Variants in RPS6KC1 observed in about 807,000 individuals in gnomAD.
The protein encoded by RPS6KC1 is ribosomal protein S6 kinase C1, also known as inactive ribosomal protein S6 kinase delta-1.
In RPS6KC1, 54 loss-of-function variants were observed where a neutral mutation model predicts 103.8. The observed-to-expected ratio is 0.52, with a 90% CI of 0.42 to 0.65. RPS6KC1 has a LOEUF of 0.65. Ranked by LOEUF, RPS6KC1 falls within the 30% of genes least tolerant of loss-of-function variation. The pLI, the probability that RPS6KC1 is intolerant of heterozygous loss-of-function variation, is 0.00. For synonymous variants in RPS6KC1, 439 were observed against 438.7 expected (o/e 1.00, Z -0.01); for missense variants, 1,151 against 1,253.8 (o/e 0.92, Z 1.24).
chr1:213,237,609 T>C (rs2094252254), intron 10 of RPS6KC1, among the ~76,000 whole-genome samples: 1 of 152,076 alleles, frequency 6.6e-6, no homozygotes, highest in African/African-American at 2.4e-5. Flanking sequence ...TTGATTACTG[T>C]GATAGCAGTG....
At chr1:213,846,823 T>C in the RPS6KC1 span, among the ~76,000 whole-genome samples, 60 of 152,310 alleles carry the variant, frequency 3.9e-4, no homozygotes, top group African/African-American at 1.0e-3. Flanking sequence ...GCTTAAATTA[T>C]GAAATCCCCA....
chr1:213,595,157 T>C, the RPS6KC1 span, among the ~76,000 whole-genome samples: 1 of 152,200 alleles, frequency 6.6e-6, no homozygotes, highest in Non-Finnish European at 1.5e-5. Flanking sequence ...ACTCTTCCTC[T>C]TCTTTGTGTT....
At chr1:213,193,323 A>G (rs537705145) in intron 8 of RPS6KC1, among the ~76,000 whole-genome samples, 5 of 152,296 alleles carry the variant, frequency 3.3e-5, no homozygotes, top group East Asian at 1.9e-4. Flanking sequence ...CAGTTGCACT[A>G]TCTTGGCTCA....
At chr1:213,404,009 G>A in the RPS6KC1 span, among the ~76,000 whole-genome samples, 1 of 152,142 alleles carries the variant, frequency 6.6e-6, no homozygotes, top group Non-Finnish European at 1.5e-5. Flanking sequence ...CTAGGAGAAG[G>A]CAGATGAGGG....
chr1:213,359,480 A>T, the RPS6KC1 span, among the ~76,000 whole-genome samples: 1 of 152,182 alleles, frequency 6.6e-6, no homozygotes, highest in Non-Finnish European at 1.5e-5. Flanking sequence ...TCTTGAATAT[A>T]GCACACTGAT....
intron 6 of RPS6KC1, among the ~76,000 whole-genome samples, chr1:213,167,489 C>CAAAA (rs58321001): frequency 2.4e-5 from 3 of 126,130 alleles, no homozygotes; most frequent in Non-Finnish European, 4.7e-5. Context: ...CACACACACA[C>CAAAA]AACAGCTGTT....
the RPS6KC1 span, among the ~76,000 whole-genome samples, chr1:213,321,511 A>G: frequency 4.6e-5 from 7 of 152,212 alleles, no homozygotes; most frequent in Non-Finnish European, 1.0e-4. Flanking sequence ...CATGTGACCT[A>G]GGAGCAATAT....
At chr1:213,753,034 C>A in the RPS6KC1 span, among the ~76,000 whole-genome samples, 2 of 152,138 alleles carry the variant, frequency 1.3e-5, no homozygotes, top group Admixed American at 6.5e-5. Flanking sequence ...TGCAAGGGGA[C>A]ATTTCTTTGT....
chr1:213,415,206 G>A, the RPS6KC1 span, among the ~76,000 whole-genome samples: 1 of 152,202 alleles, frequency 6.6e-6, no homozygotes, highest in Non-Finnish European at 1.5e-5. Context: ...TCCTAAGGCT[G>A]ATACTGTTCC....
At chr1:213,855,604 C>T in the RPS6KC1 span, among the ~76,000 whole-genome samples, 1 of 152,216 alleles carries the variant, frequency 6.6e-6, no homozygotes, top group African/African-American at 2.4e-5. Flanking sequence ...TTCTTTCTCT[C>T]AGGCTGAAAT....
At chr1:213,189,308 G>T (rs1459675010) in intron 8 of RPS6KC1, among the ~76,000 whole-genome samples, 2 of 152,004 alleles carry the variant, frequency 1.3e-5, no homozygotes, top group African/African-American at 4.8e-5. Flanking sequence ...AATTAGCCAG[G>T]CGTGATGATG....
At chr1:213,785,156 G>A in the RPS6KC1 span, among the ~76,000 whole-genome samples, 1 of 152,040 alleles carries the variant, frequency 6.6e-6, no homozygotes, top group East Asian at 1.9e-4. Context: ...AGCATTGTTG[G>A]GTGTAGCATC....
chr1:213,564,067 A>G, the RPS6KC1 span, among the ~76,000 whole-genome samples: 1 of 150,152 alleles, frequency 6.7e-6, no homozygotes, highest in Admixed American at 6.7e-5. Flanking sequence ...TACTGTTAGT[A>G]ATGAATTCTC....
the RPS6KC1 span, among the ~76,000 whole-genome samples, chr1:213,433,006 C>A: frequency 3.3e-5 from 5 of 152,114 alleles, no homozygotes; most frequent in Non-Finnish European, 7.4e-5. Flanking sequence ...CATGAAACAG[C>A]ACAAATTTAT....
intron 6 of RPS6KC1, among the ~76,000 whole-genome samples, chr1:213,152,057 A>G (rs552076958): frequency 0.011 from 675 of 60,238 alleles, no homozygotes; most frequent in Middle Eastern, 0.065. Context: ...GCGGGGGGCT[A>G]ACCCCCCCAC....
chr1:213,377,126 A>G, the RPS6KC1 span, among the ~76,000 whole-genome samples: 2 of 152,216 alleles, frequency 1.3e-5, no homozygotes, highest in Admixed American at 1.3e-4. Context: ...TTGGAGTTAA[A>G]CATTTGCTCA....
At chr1:213,541,263 C>T in the RPS6KC1 span, among the ~76,000 whole-genome samples, 870 of 150,400 alleles carry the variant, frequency 5.8e-3, 11 homozygotes, top group African/African-American at 0.02. Flanking sequence ...GGGTGCAGTT[C>T]GTGGAGCCCC....
chr1:213,386,657 C>A, the RPS6KC1 span, among the ~76,000 whole-genome samples: 2 of 152,284 alleles, frequency 1.3e-5, no homozygotes, highest in African/African-American at 4.8e-5. Context: ...TCACTGATGG[C>A]AGATGTTGGG....
At chr1:213,105,823 T>A (rs953378594) in intron 4 of RPS6KC1, among the ~76,000 whole-genome samples, 7 of 152,244 alleles carry the variant, frequency 4.6e-5, no homozygotes, top group Non-Finnish European at 8.8e-5. Flanking sequence ...AATAATTGTT[T>A]CTATGTGTCA....
Sources: gnomAD v4.1 joint callset for allele counts (sites outside exome capture counted in the v4.1 genomes callset) on GRCh38, gnomAD v4.1.1 for gene constraint, MANE v1.5 for transcripts, NCBI Gene and HGNC (gene_info 2026-07-23, HGNC 2026-07-21) for gene names.